CEP85: variants seen among roughly 807,000 people sequenced by gnomAD.
CEP85 encodes centrosomal protein of 85 kDa.
In CEP85, 58 loss-of-function variants were observed where a neutral mutation model predicts 93.7. The observed-to-expected ratio is 0.62, with a 90% CI of 0.50 to 0.77. CEP85 has a LOEUF of 0.77. Ranked by LOEUF, CEP85 falls within the 30% of genes least tolerant of loss-of-function variation. The pLI, the probability that CEP85 is intolerant of heterozygous loss-of-function variation, is 0.00. For synonymous variants in CEP85, 314 were observed against 338.6 expected (o/e 0.93, Z 0.80); for missense variants, 868 against 922.0 (o/e 0.94, Z 0.76).
intron 11 of CEP85, among the ~76,000 whole-genome samples, chr1:26,273,919 A>C (rs1434525839): frequency 4.2e-5 from 6 of 142,164 alleles, no homozygotes; most frequent in African/African-American, 1.6e-4. Flanking sequence ...TAAATAAATA[A>C]ATAAATAAAT....
chr1:26,242,766 A>G (rs977138744), intron 2 of CEP85, among the ~76,000 whole-genome samples: 5 of 148,172 alleles, frequency 3.4e-5, no homozygotes, highest in Non-Finnish European at 7.5e-5. Context: ...TTTAAGTTAA[A>G]TGGAGGATAA....
intron 7 of CEP85, among the ~76,000 whole-genome samples, chr1:26,260,626 A>G (rs150865449): frequency 3.3e-4 from 51 of 152,280 alleles, no homozygotes; most frequent in African/African-American, 1.2e-3. Context: ...GGCTTGCTCT[A>G]AAGCATGTGT....
intron 3 of CEP85, among the ~76,000 whole-genome samples, chr1:26,251,781 G>A (rs1236585102): frequency 6.6e-6 from 1 of 152,162 alleles, no homozygotes; most frequent in Non-Finnish European, 1.5e-5. Context: ...AGAGAGAGTG[G>A]TGCTATGGAT....
chr1:26,258,351 A>G, intron 6 of CEP85, 91 bp downstream of exon 6: 1 of 824,106 alleles, frequency 1.2e-6, no homozygotes, highest in Non-Finnish European at 2.1e-6. Context: ...GAGATAGAAA[A>G]GAGCTCAAGT....
chr1:26,246,059 A>G (rs547034960), intron 3 of CEP85, among the ~76,000 whole-genome samples: 1 of 152,060 alleles, frequency 6.6e-6, no homozygotes, highest in African/African-American at 2.4e-5. Flanking sequence ...AGGGAAATAC[A>G]TATGTATTTC....
At chr1:26,264,236 T>C (rs2089857012) in intron 7 of CEP85, among the ~76,000 whole-genome samples, 1 of 152,156 alleles carries the variant, frequency 6.6e-6, no homozygotes, top group Non-Finnish European at 1.5e-5. Context: ...GGCATTCATA[T>C]TTAAGAAGGT....
chr1:26,245,390 T>G (rs2089494245), intron 3 of CEP85, among the ~76,000 whole-genome samples: 1 of 152,018 alleles, frequency 6.6e-6, no homozygotes, highest in Non-Finnish European at 1.5e-5. Flanking sequence ...TCTGGGCCCA[T>G]GTATGCGATG....
At chr1:26,260,141 T>C (rs923836811) in intron 7 of CEP85, among the ~76,000 whole-genome samples, 2 of 152,176 alleles carry the variant, frequency 1.3e-5, no homozygotes, top group African/African-American at 4.8e-5. Context: ...AAAATACACC[T>C]GTGGTATATT....
At chr1:26,237,880 A>T (rs1381326361) in intron 1 of CEP85, among the ~76,000 whole-genome samples, 1 of 152,184 alleles carries the variant, frequency 6.6e-6, no homozygotes, top group Non-Finnish European at 1.5e-5. Flanking sequence ...GGAAATCACT[A>T]GTAAGGAGGT....
chr1:26,258,318 G>A, intron 6 of CEP85, 58 bp downstream of exon 6: 1 of 1,087,000 alleles, frequency 9.2e-7, no homozygotes, highest in East Asian at 2.4e-5. Context: ...TCTTCCCTAT[G>A]CTTGACACCA....
chr1:26,257,377 A>C (rs76398416), intron 4 of CEP85, among the ~76,000 whole-genome samples: 2,725 of 152,274 alleles, frequency 0.018, 85 homozygotes, highest in African/African-American at 0.062. Context: ...CTTTTCTTAG[A>C]AACTAGAGCC....
intron 3 of CEP85, 126 bp downstream of exon 3, chr1:26,244,444 A>G: frequency 1.2e-6 from 1 of 827,722 alleles, no homozygotes; most frequent in Non-Finnish European, 1.9e-6. Context: ...ATTTCATTCA[A>G]GGAGTCTCTC....
At position 26,268,496 on chromosome 1, in the gene CEP85, A is replaced by G. The variant is rs764427141; in HGVS notation, c.1355A>G (p.Asp452Gly). ...KKQEERVKGRDKHINNLKKKC... is the reference protein window; with the variant it reads ...KKQEERVKGRGKHINNLKKKC... ...TTATTTTCCTAGGTCAAAGGTCGTG[A>G]TAAACATATCAATAATTTGAAAAAG... The change falls in exon 8 of 14, where the codon GAT (aspartate) becomes GGT (glycine). Residue 452 changes from aspartate (D) to glycine (G), a missense_variant. Transcript: ENST00000451429. The G allele has an allele frequency of 4.3e-6, 7 of 1,614,060 alleles. No homozygotes were observed. The African/African-American group carries it at 6.7e-5, about 15-fold the overall frequency.
intron 6 of CEP85, 55 bp downstream of exon 6, chr1:26,258,315 T>A: frequency 9.0e-7 from 1 of 1,115,564 alleles, no homozygotes; most frequent in Non-Finnish European, 1.4e-6. Flanking sequence ...GTGTCTTCCC[T>A]ATGCTTGACA....
At chr1:26,259,255 A>G (rs2089769182) in intron 6 of CEP85, among the ~76,000 whole-genome samples, 1 of 152,150 alleles carries the variant, frequency 6.6e-6, no homozygotes, top group African/African-American at 2.4e-5. Context: ...AGGTCTTCTG[A>G]TGTCTTGTCC....
chr1:26,255,102 G>GCA, intron 3 of CEP85, 69 bp from the exon 4 acceptor site: 1 of 1,272,972 alleles, frequency 7.9e-7, no homozygotes, highest in Non-Finnish European at 1.1e-6. Flanking sequence ...AGAGCTTCTG[G>GCA]CATAGCATTC....
chr1:26,275,404 C>CTG (rs201299725), intron 12 of CEP85, among the ~76,000 whole-genome samples: 2,593 of 152,056 alleles, frequency 0.017, 76 homozygotes, highest in African/African-American at 0.059. Flanking sequence ...CCTCAGCCTC[C>CTG]TGTGTAGCTG....
At chr1:26,266,994 T>G (rs1363282275) in intron 7 of CEP85, among the ~76,000 whole-genome samples, 1 of 152,234 alleles carries the variant, frequency 6.6e-6, no homozygotes, top group Non-Finnish European at 1.5e-5. Flanking sequence ...GTTATATGTC[T>G]TATCAGAAAG....
chr1:26,271,943 C>G (rs2089980894), intron 10 of CEP85, 78 bp from the exon 11 acceptor site: 2 of 1,221,848 alleles, frequency 1.6e-6, no homozygotes, highest in Non-Finnish European at 2.4e-6. Context: ...GACCACATGT[C>G]CTAGTGCAGC....
Sources: gnomAD v4.1 joint callset for allele counts (sites outside exome capture counted in the v4.1 genomes callset) on GRCh38, gnomAD v4.1.1 for gene constraint, MANE v1.5 for transcripts, NCBI Gene and HGNC (gene_info 2026-07-23, HGNC 2026-07-21) for gene names.